AHNAK: variants seen among roughly 807,000 people sequenced by gnomAD.
AHNAK encodes neuroblast differentiation-associated protein AHNAK.
AHNAK carries 23 observed loss-of-function variants against 37.8 expected under a neutral mutation model. That is an observed-to-expected ratio of 0.61 (90% confidence interval 0.44 to 0.86). The LOEUF is 0.86. Ranked by LOEUF, AHNAK falls within the 40% of genes least tolerant of loss-of-function variation. The pLI, the probability that AHNAK is intolerant of heterozygous loss-of-function variation, is 0.00. For missense variants in AHNAK, 7,411 were observed against 7,319.4 expected (o/e 1.01, Z -0.46); for synonymous variants, 2,481 against 2,636.3 (o/e 0.94, Z 1.80).
At chr11:62,492,023 A>G (rs573485816) in intron 4 of AHNAK, among the ~76,000 whole-genome samples, 1 of 152,226 alleles carries the variant, frequency 6.6e-6, no homozygotes, top group Admixed American at 6.5e-5. Context: ...GATAACAGAG[A>G]ATCTTTAGAA....
chr11:62,434,666 G>A (rs988978855), intron 5 of AHNAK, among the ~76,000 whole-genome samples: 19 of 152,104 alleles, frequency 1.2e-4, no homozygotes, highest in Admixed American at 3.3e-4. Context: ...AGTGGCTCAC[G>A]CCTGTAATCC....
downstream of AHNAK, among the ~76,000 whole-genome samples, chr11:62,512,837 C>T (rs1283717625): frequency 8.6e-6 from 1 of 116,284 alleles, no homozygotes; most frequent in Non-Finnish European, 1.6e-5. The surrounding 1 kb of genome is among the most constrained non-coding windows in gnomAD (Gnocchi z 4.0). Flanking sequence ...GCCTGGGTGA[C>T]AGAGCAAGAT....
In AHNAK at chr11:62,524,524, A is replaced by G; in HGVS notation, c.9893T>C (p.Ile3298Thr). The G allele has an allele frequency of 6.2e-7, 1 of 1,614,122 alleles. No individual in the cohort carries two copies. Among genetic ancestry groups the G allele is most frequent in the Non-Finnish European group, 8.5e-7 (1 of 1,180,026 alleles). ...CTTTGAGCCTTTCAAATTCAAGTCA[A>G]TTTCTGGCATGGAGATCTTGGGCAT... ...VNMPKISMPE[I>T]DLNLKGSKLK... Residue 3298 changes from isoleucine to threonine, a missense_variant, in exon 5 of 5, where the codon ATT (isoleucine) becomes ACT (threonine). Coordinates refer to ENST00000378024, the MANE Select transcript of AHNAK (RefSeq NM_001620.3).
At position 62,510,756 on chromosome 11, in the gene AHNAK, A is replaced by C. The variant is rs574687320; in HGVS notation, c.343-18925T>G. 3.9e-4 allele frequency among the ~76,000 whole-genome samples: 59 copies of C among 150,908 alleles called. 1 individual carries two copies. Among genetic ancestry groups the C allele is most frequent in the African/African-American group, 1.3e-3 (53 of 40,366 alleles). ...GAGATTCTGTCCCAAACAAACAAAC[A>C]AAAAAACCATATATATATATATGTA... On this transcript the variant is annotated intron_variant, in intron 4 of 5. Coordinates refer to the AHNAK transcript ENST00000257247.
intron 1 of AHNAK, among the ~76,000 whole-genome samples, chr11:62,541,244 C>T (rs1431380022): frequency 6.6e-6 from 1 of 152,232 alleles, no homozygotes; most frequent in Non-Finnish European, 1.5e-5. Context: ...ACTGTGCATC[C>T]ACCCAGCACA....
At chr11:62,461,365 C>T (rs575225342) in intron 5 of AHNAK, among the ~76,000 whole-genome samples, 5 of 151,658 alleles carry the variant, frequency 3.3e-5, no homozygotes, top group East Asian at 2.0e-4. Flanking sequence ...AGGATGGTCT[C>T]GATCTCTTGA....
Position 62,528,155 on chromosome 11 carries a change from C to G in AHNAK, c.6262G>C (p.Val2088Leu), listed in dbSNP as rs535321137. ...VVSGPKVDVEVPDVSLEGPEG... is the reference protein window; with the variant it reads ...VVSGPKVDVELPDVSLEGPEG... ...GGACCTTCAAGGCTCACATCTGGGACTTCAACATCCACCTTGGGTCCTGAG... is the reference window on the plus strand; with the variant it reads ...GGACCTTCAAGGCTCACATCTGGGAGTTCAACATCCACCTTGGGTCCTGAG... The change falls in exon 5 of 5, where the codon GTC becomes CTC. Residue 2088 changes from valine to leucine, a missense_variant. Val to Leu is a conservative substitution (Grantham distance 32). Coordinates refer to ENST00000378024, the MANE Select transcript of AHNAK (RefSeq NM_001620.3). The G allele has an allele frequency of 6.2e-7, 1 of 1,613,612 alleles. No individual in the cohort carries two copies. Among genetic ancestry groups the G allele is most frequent in the African/African-American group, 1.3e-5 (1 of 74,838 alleles).
chr11:62,506,013 CAAAAAAAAAAAAA>C (rs10608015), intron 4 of AHNAK, among the ~76,000 whole-genome samples: 1 of 43,070 alleles, frequency 2.3e-5, no homozygotes, highest in African/African-American at 5.7e-5. Flanking sequence ...CTGTCTCTAC[CAAAAAAAAAAAAA>C]AAAAAAAAAA....
At position 62,533,543 on chromosome 11, in the gene AHNAK, G is replaced by A; in HGVS notation, c.874C>T (p.Gln292Ter). ...SSLGGRAVEV[Q>*]GPSLESGDHG... ...TCACCACTCTCCAGAGATGGGCCCT[G>A]TACCTCTACTGCCCTACCCCCAAGA... is the stretch of plus-strand genomic sequence containing the variant. Residue 292 changes from glutamine (Q) to a stop codon, truncating the protein, a stop_gained, in exon 5 of 5, where the codon CAG (glutamine) becomes TAG (stop). Transcript: ENST00000378024. LOFTEE classifies it low-confidence loss of function (END_TRUNC). 1 of 1,614,130 alleles carries A rather than the reference G, an allele frequency of 6.2e-7. No individual in the cohort carries two copies. The highest frequency in any genetic ancestry group is 8.5e-7 in the Non-Finnish European group (1 of 1,180,018).
chr11:62,512,811 G>A (rs1169149658), downstream of AHNAK, among the ~76,000 whole-genome samples: 2 of 148,786 alleles, frequency 1.3e-5, no homozygotes, highest in South Asian at 2.2e-4. The surrounding 1 kb of genome is among the most constrained non-coding windows in gnomAD (Gnocchi z 4.0). Context: ...AGCTGAGAAC[G>A]TGCCACTGCA....
intron 5 of AHNAK, among the ~76,000 whole-genome samples, chr11:62,490,440 C>T: frequency 6.6e-6 from 1 of 151,946 alleles, no homozygotes; most frequent in Non-Finnish European, 1.5e-5. Context: ...ACCTCGTGAT[C>T]CTCCTGCTCC....
chr11:62,527,687 G>C lies in AHNAK; in HGVS notation c.6730C>G (p.Pro2244Ala). The C allele has an allele frequency of 1.2e-6, 2 of 1,613,920 alleles. No homozygotes were observed. Reference protein sequence around the residue: ...VHGPDWHLKMPKMKMPKFSMP... With the variant: ...VHGPDWHLKMAKMKMPKFSMP... Reference sequence around the variant, plus strand: ...CTGAACTTGGGCATTTTCATCTTAGGCATCTTCAGGTGCCAGTCTGGGCCA... The same window carrying C: ...CTGAACTTGGGCATTTTCATCTTAGCCATCTTCAGGTGCCAGTCTGGGCCA... Residue 2244 changes from proline to alanine, a missense_variant, in exon 5 of 5, where the codon CCT becomes GCT. Pro to Ala is a conservative substitution (Grantham distance 27). Transcript: ENST00000378024.
downstream of AHNAK, among the ~76,000 whole-genome samples, chr11:62,513,547 A>T (rs577989614): frequency 6.6e-5 from 10 of 152,230 alleles, no homozygotes; most frequent in Non-Finnish European, 1.2e-4. Context: ...AAAATAAAAA[A>T]AAAAAAAGAC....
intron 4 of AHNAK, among the ~76,000 whole-genome samples, chr11:62,506,683 C>CG (rs1419171501): frequency 2.0e-5 from 3 of 152,178 alleles, no homozygotes; most frequent in Admixed American, 2.0e-4. Flanking sequence ...CTGTGTGGGC[C>CG]GGGTGGTCTG....
chr11:62,529,670 C>T lies in AHNAK; in HGVS notation c.4747G>A (p.Asp1583Asn). Residue 1583 changes from aspartate to asparagine, a missense_variant, in exon 5 of 5, where the codon GAT (aspartate) becomes AAT (asparagine). Transcript: ENST00000378024. The stretch of plus-strand genomic sequence containing the variant: ...GGGGCTTTCAAATTAAGTCCAACAT[C>T]AGGCATAGAGATTTTGTGCGTCTGT... ...NIQTHKISMP[D>N]VGLNLKAPKL... The T allele has an allele frequency of 6.2e-7, 1 of 1,614,134 alleles. No individual in the cohort carries two copies. The highest frequency in any genetic ancestry group is 8.5e-7 in the Non-Finnish European group (1 of 1,180,028).
Position 62,520,586 on chromosome 11 carries a change from T to A in AHNAK, c.13831A>T (p.Met4611Leu), listed in dbSNP as rs12801302. 7.4e-6 allele frequency: 12 copies of A among 1,613,718 alleles called. No individual in the cohort carries two copies. The highest frequency in any genetic ancestry group is 1.0e-5 in the Non-Finnish European group (12 of 1,179,894). ...TCCACTTTGGGCAGAGAAATGTCCA[T>A]GTCGCCCTTCACCTTTGGACCTTTC... ...NLKGPKVKGDMDISLPKVEGD... is the reference protein window; with the variant it reads ...NLKGPKVKGDLDISLPKVEGD... The change falls in exon 5 of 5, where the codon ATG becomes TTG. Residue 4611 changes from methionine to leucine, a missense_variant. Coordinates refer to ENST00000378024, the MANE Select transcript of AHNAK (RefSeq NM_001620.3).
Position 62,520,218 on chromosome 11 carries a change from G to C in AHNAK, c.14199C>G (p.Pro4733=), listed in dbSNP as rs376996354. The change falls in exon 5 of 5, where the codon CCC becomes CCG. Residue 4733 remains proline, a synonymous_variant. Coordinates refer to ENST00000378024, the MANE Select transcript of AHNAK (RefSeq NM_001620.3). The stretch of plus-strand genomic sequence containing the variant: ...TAACATCCACATCGCCCTTCACTTT[G>C]GGTCCTTTCAGGTTTAAGTCAATAT... ...MPDIDLNLKG[P]KVKGDVDVTL... The C allele has an allele frequency of 9.9e-6, 16 of 1,610,350 alleles. No individual in the cohort carries two copies. In the East Asian group the frequency reaches 1.6e-4, roughly 16 times the overall value.
downstream of AHNAK, among the ~76,000 whole-genome samples, chr11:62,511,949 A>G (rs191284084): frequency 5.3e-5 from 8 of 152,256 alleles, no homozygotes; most frequent in East Asian, 1.5e-3. Context: ...CCCGGGTTCA[A>G]GCAATTCTCC....
Position 62,531,440 on chromosome 11 carries a change from C to A in AHNAK, c.2977G>T (p.Asp993Tyr). The stretch of plus-strand genomic sequence containing the variant: ...ATCTTTGGCATCTTCAAGTTCCAGT[C>A]AGGACCCTGCATTTCAACATCTGGG... Reference protein sequence around the residue: ...SAPDVEMQGPDWNLKMPKIKM... With the variant: ...SAPDVEMQGPYWNLKMPKIKM... The change falls in exon 5 of 5, where the codon GAC becomes TAC. Residue 993 changes from aspartate (D) to tyrosine (Y), a missense_variant. Physicochemically the swap from Asp to Tyr is radical, Grantham distance 160. Transcript: ENST00000378024. 1 of 1,614,214 alleles carries A rather than the reference C, an allele frequency of 6.2e-7. No individual in the cohort carries two copies. Among genetic ancestry groups the A allele is most frequent in the South Asian group, 1.1e-5 (1 of 91,082 alleles).
Sources: gnomAD v4.1 joint callset for allele counts (sites outside exome capture counted in the v4.1 genomes callset) on GRCh38, gnomAD v4.1.1 for gene constraint, Gnocchi (gnomAD v3.1) non-coding constraint, MANE v1.5 for transcripts, NCBI Gene and HGNC (gene_info 2026-07-23, HGNC 2026-07-21) for gene names.